The following ZNF385B variants were observed in gnomAD, a reference collection of about 807,000 sequenced individuals.
ZNF385B encodes zinc finger protein 533.
ZNF385B carries 23 observed loss-of-function variants against 39.2 expected under a neutral mutation model. The ratio of observed to expected loss-of-function variants is 0.59; its 90% CI spans 0.42 to 0.83. The LOEUF is 0.83. Among genes scored for constraint, ZNF385B ranks in the 40% least tolerant of loss-of-function variants. ZNF385B has a pLI of 0.00. For missense variants in ZNF385B, 552 were observed against 598.9 expected (o/e 0.92, Z 0.82); for synonymous variants, 205 against 222.6 (o/e 0.92, Z 0.70).
intron 3 of ZNF385B, among the ~76,000 whole-genome samples, chr2:179,632,588 A>G (rs1051702482): frequency 1.3e-5 from 2 of 152,240 alleles, no homozygotes; most frequent in Admixed American, 6.5e-5. Context: ...AAATGCCCAC[A>G]AGAGAAGGCA....
intron 3 of ZNF385B, among the ~76,000 whole-genome samples, chr2:179,755,887 A>G (rs356413): frequency 0.7 from 106,829 of 151,954 alleles, 37,920 homozygotes; most frequent in Admixed American, 0.8. Context: ...TCTTTATCCA[A>G]TTTGCTAGTC....
chr2:179,617,971 C>T (rs951425), intron 3 of ZNF385B, among the ~76,000 whole-genome samples: 71,762 of 151,860 alleles, frequency 0.47, 17,080 homozygotes, highest in Middle Eastern at 0.55. Flanking sequence ...ACGTTTCTCC[C>T]GTGCTCACTC....
intron 3 of ZNF385B, among the ~76,000 whole-genome samples, chr2:179,561,943 C>T (rs1236438533): frequency 1.3e-5 from 2 of 152,192 alleles, no homozygotes; most frequent in Non-Finnish European, 2.9e-5. Flanking sequence ...AATTTGATTA[C>T]AGGCTACCAG....
intron 3 of ZNF385B, among the ~76,000 whole-genome samples, chr2:179,657,299 T>G (rs957013118): frequency 6.6e-6 from 1 of 152,226 alleles, no homozygotes; most frequent in African/African-American, 2.4e-5. Context: ...GGTTTCCTGC[T>G]TGTAAAGAAT....
In ZNF385B at chr2:179,861,111, G is replaced by C. The variant is rs1553548525; in HGVS notation, c.-165C>G. 1 of 155,284 alleles carries C rather than the reference G, an allele frequency of 6.4e-6. No homozygotes were observed. The highest frequency in any genetic ancestry group is 1.5e-5 in the Non-Finnish European group (1 of 68,364). The allele number at this position is 155,284 out of a possible 1,614,324, so 9.6% of individuals were successfully genotyped here. The stretch of plus-strand genomic sequence containing the variant: ...GCGCCCAGAGCTTACCTCGGCGCGC[G>C]GGCCGCGGGCGCGTGGGGCAGTGGC... On this transcript the variant is annotated 5_prime_UTR_variant, in exon 1 of 10. Transcript: ENST00000410066.
chr2:179,592,740 G>T (rs1431175902), intron 3 of ZNF385B, among the ~76,000 whole-genome samples: 1 of 152,000 alleles, frequency 6.6e-6, no homozygotes, highest in Non-Finnish European at 1.5e-5. Context: ...AAAATTAAAC[G>T]GAAGTATGTT....
intron 3 of ZNF385B, among the ~76,000 whole-genome samples, chr2:179,617,909 C>T (rs889219452): frequency 1.3e-5 from 2 of 152,074 alleles, no homozygotes; most frequent in Non-Finnish European, 2.9e-5. Flanking sequence ...ACTTGATCCC[C>T]CTAAATAGGG....
intron 3 of ZNF385B, among the ~76,000 whole-genome samples, chr2:179,555,810 T>C (rs1276699231): frequency 6.7e-6 from 1 of 149,114 alleles, no homozygotes; most frequent in Non-Finnish European, 1.5e-5. Flanking sequence ...GTCTATAAAA[T>C]CTAACAATTG....
At chr2:179,503,865 T>TC (rs898992711) in intron 5 of ZNF385B, among the ~76,000 whole-genome samples, 16 of 149,892 alleles carry the variant, frequency 1.1e-4, no homozygotes, top group African/African-American at 3.9e-4. Context: ...ATTTTCTTTT[T>TC]TTTTTTTTCA....
At chr2:179,717,791 C>G (rs887213893) in intron 3 of ZNF385B, among the ~76,000 whole-genome samples, 7 of 152,154 alleles carry the variant, frequency 4.6e-5, no homozygotes, top group Non-Finnish European at 7.3e-5. Context: ...TGTTTCCTAC[C>G]TCTCATTATA....
chr2:179,444,631 T>C (rs2049283406), intron 9 of ZNF385B, among the ~76,000 whole-genome samples: 1 of 152,216 alleles, frequency 6.6e-6, no homozygotes, highest in Admixed American at 6.5e-5. Flanking sequence ...CTAAAGAGGA[T>C]AGTCTTTTGA....
At chr2:179,816,897 T>C (rs1486783362) in intron 1 of ZNF385B, among the ~76,000 whole-genome samples, 1 of 152,194 alleles carries the variant, frequency 6.6e-6, no homozygotes, top group East Asian at 1.9e-4. Context: ...AAGATTTTTT[T>C]CCCTTTTTCT....
intron 3 of ZNF385B, among the ~76,000 whole-genome samples, chr2:179,678,003 T>A (rs1180213711): frequency 6.6e-6 from 1 of 152,128 alleles, no homozygotes; most frequent in Non-Finnish European, 1.5e-5. Context: ...TTAGCAAGGA[T>A]GATATAAATA....
intron 1 of ZNF385B, among the ~76,000 whole-genome samples, chr2:179,792,764 T>G (rs1226287596): frequency 1.3e-5 from 2 of 152,214 alleles, no homozygotes; most frequent in Non-Finnish European, 2.9e-5. Flanking sequence ...CTTAAAATTC[T>G]TATGCTTCCT....
intron 5 of ZNF385B, among the ~76,000 whole-genome samples, chr2:179,504,282 G>T (rs2057044032): frequency 1.3e-5 from 2 of 151,900 alleles, no homozygotes; most frequent in East Asian, 1.9e-4. Context: ...ATCATTGTTG[G>T]ACATTTGGGT....
At position 179,663,961 on chromosome 2, in the gene ZNF385B, T is replaced by C. The variant is rs534594695; in HGVS notation, c.298+105542A>G. Reference sequence around the variant, plus strand: ...CTTCCTCCTTGTAAAATCCAGAGAATTGAGGCAGCAGAATTAAACTAAAGT... The same window carrying C: ...CTTCCTCCTTGTAAAATCCAGAGAACTGAGGCAGCAGAATTAAACTAAAGT... On this transcript the variant is annotated intron_variant, in intron 3 of 9. Coordinates refer to ENST00000410066, the MANE Select transcript of ZNF385B (RefSeq NM_152520.6). Among the ~76,000 whole-genome samples the C allele has an allele frequency of 6.6e-5, 10 of 152,146 alleles. No individual in the cohort carries two copies. In the South Asian group the frequency reaches 2.1e-3, roughly 32 times the overall value.
intron 3 of ZNF385B, among the ~76,000 whole-genome samples, chr2:179,761,310 T>C (rs942501137): frequency 6.6e-6 from 1 of 152,226 alleles, no homozygotes; most frequent in African/African-American, 2.4e-5. Flanking sequence ...AGAAATTGCA[T>C]GAAAATTATA....
intron 1 of ZNF385B, among the ~76,000 whole-genome samples, chr2:179,786,719 A>G (rs1705028180): frequency 6.7e-6 from 1 of 149,604 alleles, no homozygotes; most frequent in Admixed American, 6.7e-5. Flanking sequence ...TTCATTTTTG[A>G]CTATTTAAAG....
intron 1 of ZNF385B, among the ~76,000 whole-genome samples, chr2:179,791,928 T>C (rs1194276156): frequency 6.6e-6 from 1 of 152,058 alleles, no homozygotes; most frequent in Non-Finnish European, 1.5e-5. Context: ...CAGCTAATTG[T>C]TTTTTGTATT....
Sources: allele counts gnomAD v4.1 joint callset (sites outside exome capture counted in the v4.1 genomes callset), GRCh38; gene constraint gnomAD v4.1.1; transcripts MANE v1.5; gene names NCBI Gene and HGNC (gene_info 2026-07-23, HGNC 2026-07-21).